The following DCP2 variants were observed in gnomAD, a reference collection of about 807,000 sequenced individuals.
The protein encoded by DCP2 is m7GpppN-mRNA hydrolase.
A neutral mutation model predicts 56.1 loss-of-function variants in DCP2; 30 were observed. That is an observed-to-expected ratio of 0.53 (90% confidence interval 0.40 to 0.73). The LOEUF (loss-of-function observed/expected upper bound fraction) is 0.73. Ranked by LOEUF, DCP2 falls within the 30% of genes least tolerant of loss-of-function variation. DCP2 has a pLI of 0.00. For synonymous variants in DCP2, 197 were observed against 163.3 expected (o/e 1.21, Z -1.57); for missense variants, 533 against 502.7 (o/e 1.06, Z -0.58).
chr5:113,010,804 A>T lies in DCP2; in HGVS notation c.1096A>T (p.Thr366Ser), dbSNP rs1474271262. 6.3e-7 allele frequency: 1 copy of T among 1,599,350 alleles called. No individual in the cohort carries two copies. The highest frequency in any genetic ancestry group is 1.4e-5 in the African/African-American group (1 of 73,794). ...HPRKLQDNFE[T>S]DAVYDLPSSS... ...ACGGAAACTTCAGGATAATTTTGAA[A>T]CAGGCAAGTCATTTCCTATCTTTTT... The change falls in exon 10 of 11, where the codon ACA (threonine) becomes TCA (serine). Residue 366 changes from threonine (T) to serine (S), a missense_variant. Physicochemically the swap from Thr to Ser is moderately conservative, Grantham distance 58. Coordinates refer to ENST00000389063, the MANE Select transcript of DCP2 (RefSeq NM_152624.6).
rs1303880216 is a variant in DCP2, at chr5:113,014,393, T to G, written c.*909T>G. ...ATCTCCAGTATTGATCTTTGGAAAC[T>G]GATGTTACATTAGGTTCCAATTCGC... On this transcript the variant is annotated 3_prime_UTR_variant, in exon 11 of 11. Transcript: ENST00000389063. 2.6e-5 allele frequency: 4 copies of G among 152,246 alleles called. No homozygotes were observed. The highest frequency in any genetic ancestry group is 2.6e-4 in the Admixed American group (4 of 15,282). 9.4% of individuals were successfully genotyped at this position (152,246 alleles called of 1,614,324 possible).
chr5:112,979,510 C>G (rs1412271835), intron 1 of DCP2, among the ~76,000 whole-genome samples: 2 of 152,142 alleles, frequency 1.3e-5, no homozygotes, highest in African/African-American at 4.8e-5. Context: ...TGAATTCAAG[C>G]TAGGTGCTTG....
rs906982954 is a variant in DCP2, at chr5:113,015,509, C to G, written c.*2025C>G. 6.6e-6 allele frequency: 1 copy of G among 152,504 alleles called. No homozygotes were observed. Among genetic ancestry groups the G allele is most frequent in the Admixed American group, 6.6e-5 (1 of 15,262 alleles). 9.4% of individuals were successfully genotyped at this position (152,504 alleles called of 1,614,324 possible). A position where few individuals can be genotyped will look rare whatever the true frequency, so the allele number is the denominator to read the frequency against. ...GGTGTTGAGCCTTTTCAAGAACCAA[C>G]AAATTATCTTTGTGATTACAGTAGT... is the stretch of plus-strand genomic sequence containing the variant. On this transcript the variant is annotated 3_prime_UTR_variant, in exon 11 of 11. Coordinates refer to ENST00000389063, the MANE Select transcript of DCP2 (RefSeq NM_152624.6).
intron 9 of DCP2, among the ~76,000 whole-genome samples, chr5:113,010,339 T>C (rs6594654): frequency 0.19 from 29,098 of 151,664 alleles, 2,925 homozygotes; most frequent in Non-Finnish European, 0.21. Context: ...AGCCACTGTC[T>C]CTGGCCACCT....
chr5:113,007,989 CA>C lies in DCP2; in HGVS notation c.998del (p.Lys333ArgfsTer16). ...GRKQYQDSPN[Q>X]KKRTNGLQPA... ...AAAACAGTATCAAGATTCACCTAAT[CA>C]AAAGAAAAGAACAAATGGGCTTCAG... is the stretch of plus-strand genomic sequence containing the variant. On this transcript the variant is annotated frameshift_variant, in exon 9 of 11. Transcript: ENST00000389063. LOFTEE classifies it high-confidence loss of function. The C allele has an allele frequency of 6.2e-7, 1 of 1,613,854 alleles. No homozygotes were observed. The highest frequency in any genetic ancestry group is 1.1e-5 in the South Asian group (1 of 91,064).
intron 4 of DCP2, among the ~76,000 whole-genome samples, chr5:112,997,026 T>C (rs1353489510): frequency 6.6e-6 from 1 of 152,242 alleles, no homozygotes; most frequent in Non-Finnish European, 1.5e-5. Context: ...AAGTTAGTTT[T>C]CTTCTAAAGG....
At chr5:112,995,679 GCTGA>G (rs774134311) in intron 4 of DCP2, among the ~76,000 whole-genome samples, 16 of 152,110 alleles carry the variant, frequency 1.1e-4, no homozygotes, top group African/African-American at 1.4e-4. Context: ...TCCTTTTATA[GCTGA>G]CTAAGGAACT....
At chr5:113,001,741 G>T in intron 7 of DCP2, 67 bp downstream of exon 7, 1 of 1,466,602 alleles carries the variant, frequency 6.8e-7, no homozygotes, top group Non-Finnish European at 9.5e-7. Context: ...ATAGTATTTT[G>T]CTTCTAAAAT....
intron 4 of DCP2, among the ~76,000 whole-genome samples, chr5:112,993,608 G>C (rs921867809): frequency 7.7e-6 from 1 of 130,404 alleles, no homozygotes; most frequent in Non-Finnish European, 1.6e-5. Context: ...TGGGCAACAA[G>C]AGTGAAACAC....
rs1232714217 is a variant in DCP2 at position 113,007,973 on chromosome 5, T to C, written c.978T>C (p.Tyr326=). ...TGAGGGGAAATGGCAGAAAACAGTA[T>C]CAAGATTCACCTAATCAAAAGAAAA... ...QSMRGNGRKQ[Y]QDSPNQKKRT... Residue 326 remains tyrosine, a synonymous_variant, in exon 9 of 11, where the codon TAT becomes TAC. Coordinates refer to ENST00000389063, the MANE Select transcript of DCP2 (RefSeq NM_152624.6). The C allele has an allele frequency of 7.4e-6, 12 of 1,613,910 alleles. No individual in the cohort carries two copies. The highest frequency in any genetic ancestry group is 1.0e-5 in the Non-Finnish European group (12 of 1,179,900).
rs557215807 is a variant in DCP2, at chr5:112,986,465, G to A, written c.205+479G>A. Among the ~76,000 whole-genome samples, 4 of 151,886 alleles carry A rather than the reference G, an allele frequency of 2.6e-5. No homozygotes were observed. In the South Asian group the frequency reaches 8.3e-4, roughly 32 times the overall value. On this transcript the variant is annotated intron_variant, in intron 2 of 10. Transcript: ENST00000389063. ...ATCCTCCTCCCTAGCCTCTCGAGTG[G>A]CTGTGACTACAGGCATGCGCTACCA...
chr5:113,002,660 C>G (rs948258979), intron 7 of DCP2, among the ~76,000 whole-genome samples: 3 of 152,180 alleles, frequency 2.0e-5, no homozygotes, highest in East Asian at 3.9e-4. Flanking sequence ...ACTGGGAACA[C>G]AGGCAGATGC....
intron 9 of DCP2, among the ~76,000 whole-genome samples, chr5:113,009,673 G>A (rs1333798760): frequency 4.6e-5 from 7 of 152,190 alleles, no homozygotes; most frequent in East Asian, 1.9e-4. Flanking sequence ...ATACAGTATC[G>A]TAGATCTGTG....
chr5:113,007,888 C>G (rs976005936), intron 8 of DCP2, 50 bp from the exon 9 acceptor site: 5 of 1,496,098 alleles, frequency 3.3e-6, no homozygotes, highest in Admixed American at 3.8e-5. Flanking sequence ...TTTTTTTGTG[C>G]TATTACATTA....
Position 113,017,395 on chromosome 5 carries a change from G to A in DCP2, c.*3911G>A, listed in dbSNP as rs1025662357. On this transcript the variant is annotated 3_prime_UTR_variant, in exon 11 of 11. Transcript: ENST00000389063. ...ATTTTGTCAAACAGTACTCCTGACA[G>A]CTTGGTAAAGTCTAGGTAGAGTTTC... 1 of 152,206 alleles carries A rather than the reference G, an allele frequency of 6.6e-6. No individual in the cohort carries two copies. Among genetic ancestry groups the A allele is most frequent in the African/African-American group, 2.4e-5 (1 of 41,456 alleles). The allele number at this position is 152,206 out of a possible 1,614,324, so 9.4% of individuals were successfully genotyped here. A position where few individuals can be genotyped will look rare whatever the true frequency, so the allele number is the denominator to read the frequency against.
At position 113,005,265 on chromosome 5, in the gene DCP2, T is replaced by C. The variant is rs115727753; in HGVS notation, c.942+1188T>C. Among the ~76,000 whole-genome samples, 1,121 of 152,180 alleles carry C rather than the reference T, an allele frequency of 7.4e-3. 10 individuals are homozygous for C. The highest frequency in any genetic ancestry group is 0.023 in the South Asian group (113 of 4,828). On this transcript the variant is annotated intron_variant, in intron 8 of 10. Coordinates refer to ENST00000389063, the MANE Select transcript of DCP2 (RefSeq NM_152624.6). ...CAAAATAGAAGATATTTGCAAATTA[T>C]ATATATAAGGGGTTAATATCCAGAA...
chr5:113,007,277 A>T (rs1226806153), intron 8 of DCP2, among the ~76,000 whole-genome samples: 2 of 152,192 alleles, frequency 1.3e-5, no homozygotes, highest in African/African-American at 4.8e-5. Context: ...TAAGAACTGT[A>T]GCTAATGTCC....
At chr5:112,979,465 A>T (rs190335181) in intron 1 of DCP2, among the ~76,000 whole-genome samples, 147 of 152,196 alleles carry the variant, frequency 9.7e-4, no homozygotes, top group African/African-American at 3.3e-3. Flanking sequence ...ATTTTTCTGA[A>T]CTTCTTTGCT....
At position 112,987,609 on chromosome 5, in the gene DCP2, C is replaced by T. The variant is rs114186940; in HGVS notation, c.205+1623C>T. Among the ~76,000 whole-genome samples, 289 of 136,686 alleles carry T rather than the reference C, an allele frequency of 2.1e-3. 6 individuals are homozygous for T. Among genetic ancestry groups the T allele is most frequent in the African/African-American group, 7.3e-3 (272 of 37,128 alleles). The allele number at this position is 136,686 out of a possible 152,430, so 89.7% of individuals were successfully genotyped here. Reference sequence around the variant, plus strand: ...CTGGGACTACAGGTGCAAGCCACCACACCTAGGTGCCTTTTTTTTTTTTTT... The same window carrying T: ...CTGGGACTACAGGTGCAAGCCACCATACCTAGGTGCCTTTTTTTTTTTTTT... On this transcript the variant is annotated intron_variant, in intron 2 of 10. Coordinates refer to ENST00000389063, the MANE Select transcript of DCP2 (RefSeq NM_152624.6).
Sources: allele counts gnomAD v4.1 joint callset (sites outside exome capture counted in the v4.1 genomes callset), GRCh38; gene constraint gnomAD v4.1.1; transcripts MANE v1.5; gene names NCBI Gene and HGNC (gene_info 2026-07-23, HGNC 2026-07-21).